The following IGBP1 variants were observed in gnomAD, a reference collection of about 807,000 sequenced individuals.
IGBP1 encodes immunoglobulin binding protein 1, also known as immunoglobulin-binding protein 1.
A neutral mutation model predicts 25.9 loss-of-function variants in IGBP1; 2 were observed. That is an observed-to-expected ratio of 0.08 (90% CI 0.03 to 0.24). The LOEUF is 0.24. IGBP1 is among the 10% of genes least tolerant of loss of function. IGBP1 has a pLI of 1.00. For missense variants in IGBP1, 187 were observed against 260.4 expected (o/e 0.72, Z 1.94); for synonymous variants, 96 against 93.4 (o/e 1.03, Z -0.16).
chrX:70,136,551 C>T (rs1264806846), intron 3 of IGBP1, among the ~76,000 whole-genome samples: 3 of 110,804 alleles, frequency 2.7e-5, no homozygotes, highest in Non-Finnish European at 3.8e-5. Context: ...GGTTAATAAG[C>T]ACAAATGGGA....
Position 70,166,126 on chromosome X carries a change from C to T in IGBP1, c.*145C>T, listed in dbSNP as rs2085296500. 7 of 535,495 alleles carry T rather than the reference C, an allele frequency of 1.3e-5. No individual in the cohort carries two copies. In the Admixed American group the frequency reaches 2.2e-4, roughly 17 times the overall value. 44.1% of individuals were successfully genotyped at this position (535,495 alleles called of 1,213,427 possible). A position where few individuals can be genotyped will look rare whatever the true frequency, so the allele number is the denominator to read the frequency against. On this transcript the variant is annotated 3_prime_UTR_variant, in exon 7 of 7. Transcript: ENST00000356413. ...TCTTGCTTTGCATTCAGTAAAGTGT[C>T]AAGTGATTAAGTGTGTATTTGTACC...
intron 3 of IGBP1, 55 bp from the exon 4 acceptor site, chrX:70,146,578 T>A: frequency 8.6e-6 from 9 of 1,048,128 alleles, no homozygotes; most frequent in Non-Finnish European, 1.2e-5. Flanking sequence ...GGCCTTCTTT[T>A]GAAGGAATAC....
intron 3 of IGBP1, among the ~76,000 whole-genome samples, chrX:70,135,963 A>T (rs904010601): frequency 1.8e-5 from 2 of 112,008 alleles, no homozygotes; most frequent in East Asian, 5.6e-4. Flanking sequence ...CAAAATTCAG[A>T]TAATAATAGG....
chrX:70,145,730 C>T (rs1336173489), intron 3 of IGBP1, among the ~76,000 whole-genome samples: 4 of 111,610 alleles, frequency 3.6e-5, no homozygotes, highest in African/African-American at 9.8e-5. Flanking sequence ...CACCTCACAG[C>T]CCTCGTATTT....
At chrX:70,155,474 G>A (rs2085234047) in intron 6 of IGBP1, among the ~76,000 whole-genome samples, 1 of 88,921 alleles carries the variant, frequency 1.1e-5, no homozygotes, top group Non-Finnish European at 2.1e-5. Flanking sequence ...CAGCCTGGGT[G>A]ACAGAGTGAG....
chrX:70,153,404 C>T (rs2085215575), intron 6 of IGBP1, among the ~76,000 whole-genome samples: 1 of 111,853 alleles, frequency 8.9e-6, no homozygotes, highest in Admixed American at 9.5e-5. Context: ...TGGGTAAATA[C>T]AAAGGACTGT....
At chrX:70,145,714 C>T (rs1298234370) in intron 3 of IGBP1, among the ~76,000 whole-genome samples, 4 of 111,528 alleles carry the variant, frequency 3.6e-5, no homozygotes, top group African/African-American at 9.8e-5. Context: ...AGGCCAGGCA[C>T]GCTCCCACCT....
intron 6 of IGBP1, among the ~76,000 whole-genome samples, chrX:70,161,407 A>G (rs1160065807): frequency 9.0e-6 from 1 of 111,660 alleles, no homozygotes; most frequent in Non-Finnish European, 1.9e-5. Flanking sequence ...ACCATCCTCT[A>G]ATAAATGAAC....
chrX:70,154,712 C>A (rs868445131), intron 6 of IGBP1, among the ~76,000 whole-genome samples: 1 of 2,681 alleles, frequency 3.7e-4, no homozygotes, highest in Non-Finnish European at 7.1e-4. Flanking sequence ...GACCCCTCTC[C>A]ACAAAAAAAA....
At chrX:70,134,884 G>A (rs2085085907) in intron 3 of IGBP1, 68 bp downstream of exon 3, 1 of 1,008,084 alleles carries the variant, frequency 9.9e-7, no homozygotes. Flanking sequence ...CTTTCTTGGC[G>A]GGTGGTGGGG....
intron 3 of IGBP1, among the ~76,000 whole-genome samples, chrX:70,138,876 C>T (rs1263562312): frequency 8.9e-6 from 1 of 112,016 alleles, no homozygotes; most frequent in Non-Finnish European, 1.9e-5. Flanking sequence ...ATGTATCTGT[C>T]ACTGTTTCCT....
rs149569505 is a variant in IGBP1 at position 70,152,301 on chromosome X, G to A, written c.871+1979G>A. 7.9e-3 allele frequency among the ~76,000 whole-genome samples: 890 copies of A among 112,167 alleles called. 7 individuals carry two copies. Among genetic ancestry groups the A allele is most frequent in the South Asian group, 0.022 (59 of 2,688 alleles). The stretch of plus-strand genomic sequence containing the variant: ...CTAAAATAACTGAATGGAGAATTCA[G>A]CTGTTGCCCAATGCAAGGGAGATAG... On this transcript the variant is annotated intron_variant, in intron 6 of 6. Coordinates refer to ENST00000356413, the MANE Select transcript of IGBP1 (RefSeq NM_001551.3).
rs1199140936 is a variant in IGBP1 at position 70,166,127 on chromosome X, A to G, written c.*146A>G. 5.9e-6 allele frequency: 3 copies of G among 512,526 alleles called. No individual in the cohort carries two copies. Among genetic ancestry groups the G allele is most frequent in the Non-Finnish European group, 9.8e-6 (3 of 306,145 alleles). 42.2% of individuals were successfully genotyped at this position (512,526 alleles called of 1,213,427 possible). A position where few individuals can be genotyped will look rare whatever the true frequency, so the allele number is the denominator to read the frequency against. ...CTTGCTTTGCATTCAGTAAAGTGTC[A>G]AGTGATTAAGTGTGTATTTGTACCC... On this transcript the variant is annotated 3_prime_UTR_variant, in exon 7 of 7. Coordinates refer to ENST00000356413, the MANE Select transcript of IGBP1 (RefSeq NM_001551.3).
chrX:70,136,958 C>T (rs749781880), intron 3 of IGBP1, among the ~76,000 whole-genome samples: 2 of 111,235 alleles, frequency 1.8e-5, no homozygotes, highest in South Asian at 3.8e-4. Context: ...CTACCCACCT[C>T]GGGCTCCCAA....
chrX:70,145,279 C>A (rs1198942417), intron 3 of IGBP1, among the ~76,000 whole-genome samples: 1 of 110,923 alleles, frequency 9.0e-6, no homozygotes, highest in Non-Finnish European at 1.9e-5. Context: ...TCTCTCTTTC[C>A]TTCAGGCTCT....
intron 3 of IGBP1, among the ~76,000 whole-genome samples, chrX:70,135,379 T>G (rs2085089180): frequency 9.0e-6 from 1 of 111,721 alleles, no homozygotes; most frequent in Non-Finnish European, 1.9e-5. Context: ...TGTATAGGTA[T>G]TTGTGTGAGT....
intron 3 of IGBP1, among the ~76,000 whole-genome samples, chrX:70,136,731 CAG>C (rs962994637): frequency 3.3e-5 from 3 of 90,430 alleles, no homozygotes; most frequent in African/African-American, 1.2e-4. Context: ...TATTATTATA[CAG>C]AGTTTCACCC....
At chrX:70,144,273 A>G (rs979010948) in intron 3 of IGBP1, among the ~76,000 whole-genome samples, 1 of 112,370 alleles carries the variant, frequency 8.9e-6, no homozygotes, top group Admixed American at 9.5e-5. Flanking sequence ...TGCAGTAGTT[A>G]GGCCTTAAGC....
chrX:70,152,200 T>G (rs2085207502), intron 6 of IGBP1, among the ~76,000 whole-genome samples: 1 of 110,773 alleles, frequency 9.0e-6, no homozygotes, highest in Non-Finnish European at 1.9e-5. Context: ...ATGCCCTGAT[T>G]CTGTATATAA....
Sources: allele counts gnomAD v4.1 joint callset (sites outside exome capture counted in the v4.1 genomes callset), GRCh38; gene constraint gnomAD v4.1.1; transcripts MANE v1.5; gene names NCBI Gene and HGNC (gene_info 2026-07-23, HGNC 2026-07-21).